TLL1: variants seen among roughly 807,000 people sequenced by gnomAD.
The protein encoded by TLL1 is tolloid-like protein 1.
TLL1 carries 49 observed loss-of-function variants against 128.2 expected under a neutral mutation model. That is an observed-to-expected ratio of 0.38 (90% confidence interval 0.30 to 0.48). The LOEUF (loss-of-function observed/expected upper bound fraction) is 0.48. Among genes scored for constraint, TLL1 ranks in the 20% least tolerant of loss-of-function variants. The pLI is 0.96. For missense variants in TLL1, 1,123 were observed against 1,242.0 expected, an observed-to-expected ratio of 0.90 and a Z score of 1.44; for synonymous variants, 454 against 418.8, an observed-to-expected ratio of 1.08 and a Z score of -1.03.
chr4:165,928,782 C>T (rs1405742579), intron 1 of TLL1, among the ~76,000 whole-genome samples: 1 of 152,180 alleles, frequency 6.6e-6, no homozygotes, highest in Non-Finnish European at 1.5e-5. Context: ...CCCAAGATTC[C>T]TTCGGACTTC....
At chr4:165,888,164 G>T (rs1731247253) in intron 1 of TLL1, among the ~76,000 whole-genome samples, 1 of 152,064 alleles carries the variant, frequency 6.6e-6, no homozygotes, top group African/African-American at 2.4e-5. Flanking sequence ...GCCTCCCAGT[G>T]TTGCACAGAA....
chr4:165,908,444 GCGGTGA>G (rs1335235590), intron 1 of TLL1, among the ~76,000 whole-genome samples: 1 of 151,962 alleles, frequency 6.6e-6, no homozygotes, highest in Non-Finnish European at 1.5e-5. Flanking sequence ...TTATCCAGGT[GCGGTGA>G]CATTTGCCTG....
At chr4:165,973,424 G>A (rs1359622111) in intron 1 of TLL1, among the ~76,000 whole-genome samples, 3 of 151,934 alleles carry the variant, frequency 2.0e-5, no homozygotes, top group Non-Finnish European at 2.9e-5. Context: ...CTTTGGAATC[G>A]AGTCCTTGAG....
In TLL1 at chr4:166,025,466, T is replaced by C. The variant is rs749809653; in HGVS notation, c.1158+35T>C. 2.5e-5 allele frequency: 37 copies of C among 1,461,660 alleles called. No individual in the cohort carries two copies. The Admixed American group carries it at 6.2e-4, about 24-fold the overall frequency. The allele number at this position is 1,461,660 out of a possible 1,614,324, so 90.5% of individuals were successfully genotyped here. A position where few individuals can be genotyped will look rare whatever the true frequency, so the allele number is the denominator to read the frequency against. ...ACCGTCAAGCCCACTATTTTATTCT[T>C]ATATAAGTACAAAAGTTCATCATCC... On this transcript the variant is annotated intron_variant, in intron 9 of 20. Transcript: ENST00000061240.
chr4:166,069,304 C>T (rs1037785151), intron 16 of TLL1, among the ~76,000 whole-genome samples: 5 of 151,620 alleles, frequency 3.3e-5, no homozygotes, highest in Non-Finnish European at 7.4e-5. Flanking sequence ...AGCCAGTGTT[C>T]TAAAAATTTC....
chr4:165,920,814 A>C (rs1311976050), intron 1 of TLL1, among the ~76,000 whole-genome samples: 2 of 152,216 alleles, frequency 1.3e-5, no homozygotes, highest in Non-Finnish European at 2.9e-5. Flanking sequence ...AACATTTTGC[A>C]TAAAATTATA....
At chr4:165,931,489 C>T (rs538255090) in intron 1 of TLL1, among the ~76,000 whole-genome samples, 28 of 151,944 alleles carry the variant, frequency 1.8e-4, no homozygotes, top group Middle Eastern at 3.4e-3. Flanking sequence ...GAGGCCAAGG[C>T]GGGCGGATCA....
At chr4:166,068,458 T>A (rs1740670144) in intron 16 of TLL1, among the ~76,000 whole-genome samples, 1 of 151,854 alleles carries the variant, frequency 6.6e-6, no homozygotes, top group Non-Finnish European at 1.5e-5. Context: ...TGTAACTACA[T>A]TATTATAAAG....
intron 5 of TLL1, among the ~76,000 whole-genome samples, chr4:165,999,322 T>C (rs1737038795): frequency 6.6e-6 from 1 of 152,218 alleles, no homozygotes; most frequent in Non-Finnish European, 1.5e-5. Context: ...AAAGGTTTAA[T>C]TTATTCACAG....
chr4:166,063,176 C>T (rs1224074381), intron 15 of TLL1, among the ~76,000 whole-genome samples: 7 of 152,012 alleles, frequency 4.6e-5, no homozygotes, highest in East Asian at 1.9e-4. Flanking sequence ...AAAAAGTGGG[C>T]GAAGGATATA....
At chr4:166,022,770 G>A (rs759182026) in intron 8 of TLL1, among the ~76,000 whole-genome samples, 3 of 152,126 alleles carry the variant, frequency 2.0e-5, no homozygotes, top group African/African-American at 7.2e-5. Context: ...ACACAATTTT[G>A]TATGCTAGAA....
intron 8 of TLL1, among the ~76,000 whole-genome samples, chr4:166,019,158 A>G (rs1287528165): frequency 6.6e-6 from 1 of 152,168 alleles, no homozygotes; most frequent in Non-Finnish European, 1.5e-5. Flanking sequence ...TTTCAGCCGC[A>G]TGGATGGAGC....
chr4:166,083,959 C>T (rs527400975), intron 18 of TLL1, among the ~76,000 whole-genome samples: 1 of 152,208 alleles, frequency 6.6e-6, no homozygotes, highest in South Asian at 2.1e-4. Context: ...TTCGAGGAGA[C>T]TCCATACTTT....
chr4:165,975,725 C>T (rs897031641), intron 1 of TLL1, among the ~76,000 whole-genome samples: 2 of 152,122 alleles, frequency 1.3e-5, no homozygotes, highest in South Asian at 4.1e-4. Flanking sequence ...CAATGGGAAA[C>T]TATTAGAAGC....
chr4:166,018,189 A>G (rs1305827660), intron 8 of TLL1, among the ~76,000 whole-genome samples: 2 of 152,138 alleles, frequency 1.3e-5, no homozygotes, highest in East Asian at 1.9e-4. Flanking sequence ...AAAACAAGCA[A>G]TGGGGAAAGG....
intron 1 of TLL1, among the ~76,000 whole-genome samples, chr4:165,947,216 G>T (rs936222800): frequency 1.1e-4 from 16 of 152,072 alleles, no homozygotes; most frequent in African/African-American, 3.6e-4. Flanking sequence ...AGCTGGTGGG[G>T]ACAGGGTGCT....
chr4:165,995,314 A>G, intron 5 of TLL1, 136 bp downstream of exon 5: 1 of 717,844 alleles, frequency 1.4e-6, no homozygotes, highest in South Asian at 1.5e-5. Flanking sequence ...TTTTCCATAA[A>G]AATATTATAT....
intron 1 of TLL1, among the ~76,000 whole-genome samples, chr4:165,894,842 AGTGTGTGTGTGTGTGT>A (rs34248657): frequency 1.4e-5 from 2 of 142,020 alleles, no homozygotes; most frequent in African/African-American, 2.6e-5. Context: ...TCAAATGATG[AGTGTGTGTGTGTGTGT>A]GTGTGTGTGT....
chr4:166,050,913 C>T (rs1287296658), intron 12 of TLL1, among the ~76,000 whole-genome samples: 1 of 152,178 alleles, frequency 6.6e-6, no homozygotes, highest in Non-Finnish European at 1.5e-5. Context: ...TCTGACTAGT[C>T]TTTGTACATG....
Sources: gnomAD v4.1 joint callset for allele counts (sites outside exome capture counted in the v4.1 genomes callset) on GRCh38, gnomAD v4.1.1 for gene constraint, MANE v1.5 for transcripts, NCBI Gene and HGNC (gene_info 2026-07-23, HGNC 2026-07-21) for gene names.